Variants in COL14A1 observed in about 807,000 individuals in gnomAD.
COL14A1 encodes the protein collagen type XIV alpha 1 chain.
In COL14A1, 136 loss-of-function variants were observed where a neutral mutation model predicts 230.3. The ratio of observed to expected loss-of-function variants is 0.59; its 90% CI spans 0.51 to 0.68. The LOEUF is 0.68. Ranked by LOEUF, COL14A1 falls within the 30% of genes least tolerant of loss-of-function variation. The pLI is 0.00. For missense variants in COL14A1, 1,976 were observed against 2,215.8 expected (o/e 0.89, Z 2.17); for synonymous variants, 792 against 784.1 (o/e 1.01, Z -0.17).
At chr8:120,183,852 C>T (rs1424582690) in intron 5 of COL14A1, among the ~76,000 whole-genome samples, 3 of 152,010 alleles carry the variant, frequency 2.0e-5, no homozygotes, top group Non-Finnish European at 4.4e-5. Flanking sequence ...TTCTTCTTTC[C>T]TTCTTCCTTC....
chr8:120,373,345 G>GTCA lies in COL14A1; in HGVS notation c.*2118_*2120dup, dbSNP rs2130422006. Among the ~76,000 whole-genome samples, 1 of 152,242 alleles carries GTCA rather than the reference G, an allele frequency of 6.6e-6. No homozygotes were observed. Among genetic ancestry groups the GTCA allele is most frequent in the Non-Finnish European group, 1.5e-5 (1 of 68,016 alleles). On this transcript the variant is annotated 3_prime_UTR_variant, in exon 48 of 48. Coordinates refer to ENST00000297848, the MANE Select transcript of COL14A1 (RefSeq NM_021110.4). ...AGAAAGTTACATTAATTTGGAATGT[G>GTCA]TCATCACTTGGACCCAGTATATCAG...
intron 45 of COL14A1, among the ~76,000 whole-genome samples, chr8:120,354,779 C>G (rs547847265): frequency 6.6e-6 from 1 of 152,164 alleles, no homozygotes; most frequent in Non-Finnish European, 1.5e-5. Context: ...GCTTGAAATC[C>G]CACTTAGATT....
intron 45 of COL14A1, among the ~76,000 whole-genome samples, chr8:120,350,138 G>T (rs527535636): frequency 9.2e-5 from 14 of 152,094 alleles, no homozygotes; most frequent in Non-Finnish European, 1.9e-4. Context: ...GCCAAACTAA[G>T]CTTCCTAAGT....
chr8:120,323,402 C>T lies in COL14A1; in HGVS notation c.4659+7405C>T, dbSNP rs965417123. 5.3e-5 allele frequency among the ~76,000 whole-genome samples: 8 copies of T among 152,072 alleles called. No homozygotes were observed. The East Asian group carries it at 1.2e-3, about 22-fold the overall frequency. Reference sequence around the variant, plus strand: ...TCTGTTGATAGTTTCTTTTGCTGTACAGAAGCTCTTTAGTATAATTAGAGC... The same window carrying T: ...TCTGTTGATAGTTTCTTTTGCTGTATAGAAGCTCTTTAGTATAATTAGAGC... On this transcript the variant is annotated intron_variant, in intron 40 of 47. Transcript: ENST00000297848.
intron 5 of COL14A1, among the ~76,000 whole-genome samples, chr8:120,196,272 A>G (rs1014114116): frequency 6.6e-6 from 1 of 152,224 alleles, no homozygotes; most frequent in African/African-American, 2.4e-5. Flanking sequence ...CCTACTTTAG[A>G]AAAAGTCTCT....
At chr8:120,197,661 C>G (rs1413935225) in intron 6 of COL14A1, 150 bp from the exon 7 acceptor site, 19 of 661,126 alleles carry the variant, frequency 2.9e-5, no homozygotes, top group Non-Finnish European at 4.5e-5. Flanking sequence ...ATTGATCTTA[C>G]TCAGCAAATC....
chr8:120,128,382 C>T (rs1814423135), intron 1 of COL14A1, among the ~76,000 whole-genome samples: 1 of 152,122 alleles, frequency 6.6e-6, no homozygotes, highest in Admixed American at 6.5e-5. Flanking sequence ...TTAGCAATCA[C>T]TGAGCTTCAA....
At chr8:120,145,401 C>T (rs1318921957) in intron 1 of COL14A1, among the ~76,000 whole-genome samples, 1 of 152,106 alleles carries the variant, frequency 6.6e-6, no homozygotes, top group African/African-American at 2.4e-5. Context: ...GGTGGATCAC[C>T]TGAGGTCAGG....
At chr8:120,340,066 G>A (rs1216253263) in intron 42 of COL14A1, among the ~76,000 whole-genome samples, 1 of 149,134 alleles carries the variant, frequency 6.7e-6, no homozygotes, top group Admixed American at 6.7e-5. Context: ...AAAGTGTGTG[G>A]GTGTGTATGT....
At chr8:120,220,952 G>A (rs910228343) in intron 14 of COL14A1, among the ~76,000 whole-genome samples, 39 of 152,240 alleles carry the variant, frequency 2.6e-4, no homozygotes, top group South Asian at 4.2e-4. Context: ...GCACTGTTCC[G>A]AGTGCTCTAA....
chr8:120,295,295 G>A (rs1373116789), intron 34 of COL14A1, among the ~76,000 whole-genome samples: 1 of 151,782 alleles, frequency 6.6e-6, no homozygotes, highest in African/African-American at 2.4e-5. Flanking sequence ...TCAGTTTACT[G>A]GAAAATAAAC....
chr8:120,369,631 C>A, intron 47 of COL14A1, 146 bp downstream of exon 47: 1 of 801,792 alleles, frequency 1.2e-6, no homozygotes, highest in Non-Finnish European at 1.8e-6. Flanking sequence ...CTTAAATTAT[C>A]CCGAGACATT....
chr8:120,347,316 TAA>T (rs1822553719), intron 45 of COL14A1, among the ~76,000 whole-genome samples: 1 of 152,252 alleles, frequency 6.6e-6, no homozygotes, highest in South Asian at 2.1e-4. Flanking sequence ...ATATATATTC[TAA>T]AGAGTACAGT....
At position 120,373,451 on chromosome 8, in the gene COL14A1, T is replaced by C. The variant is rs2130422328; in HGVS notation, c.*2220T>C. ...CGAGTTTACAATACATTGCCTGTAA[T>C]AAAAGCTGATTCTGAAGTGCATTTT... On this transcript the variant is annotated 3_prime_UTR_variant, in exon 48 of 48. Transcript: ENST00000297848. Among the ~76,000 whole-genome samples the C allele has an allele frequency of 6.6e-6, 1 of 152,196 alleles. No homozygotes were observed. The highest frequency in any genetic ancestry group is 1.5e-5 in the Non-Finnish European group (1 of 67,972).
intron 5 of COL14A1, among the ~76,000 whole-genome samples, chr8:120,182,732 T>G (rs1167943327): frequency 2.0e-5 from 3 of 149,094 alleles, no homozygotes; most frequent in Non-Finnish European, 4.5e-5. Flanking sequence ...CTTCGTTTTT[T>G]TTTTTTTTTT....
At position 120,281,037 on chromosome 8, in the gene COL14A1, G is replaced by A. The variant is rs1306255251; in HGVS notation, c.3802G>A (p.Ala1268Thr). The part of the protein sequence containing the change: ...VFPCYQLHKD[A>T]LVSQPTRYLH... ...TCCATGTTACCAACTCCATAAAGAT[G>A]CCCTGGTTTCCCAGCCAACCAGGTA... The change falls in exon 31 of 48, where the codon GCC (alanine) becomes ACC (threonine). Residue 1268 changes from alanine to threonine, a missense_variant. Around this residue, in one of 3 missense-constraint regions of COL14A1, gnomAD observed 1,791 missense variants for 2,019.5 expected, o/e 0.89. Transcript: ENST00000297848. 2 of 1,610,084 alleles carry A rather than the reference G, an allele frequency of 1.2e-6. No individual in the cohort carries two copies. Among genetic ancestry groups the A allele is most frequent in the East Asian group, 2.2e-5 (1 of 44,800 alleles).
intron 14 of COL14A1, among the ~76,000 whole-genome samples, chr8:120,217,409 A>G (rs781716987): frequency 2.6e-5 from 4 of 152,118 alleles, no homozygotes; most frequent in Admixed American, 6.6e-5. Flanking sequence ...TTTTTATTTT[A>G]TTTTCCCTTA....
At chr8:120,357,257 C>T (rs1434315479) in intron 45 of COL14A1, among the ~76,000 whole-genome samples, 1 of 152,158 alleles carries the variant, frequency 6.6e-6, no homozygotes, top group Non-Finnish European at 1.5e-5. Flanking sequence ...GCTGGTGCAT[C>T]TGTTTCCAAG....
chr8:120,237,970 G>T (rs970661294), intron 19 of COL14A1, among the ~76,000 whole-genome samples: 5 of 152,178 alleles, frequency 3.3e-5, no homozygotes, highest in Non-Finnish European at 7.3e-5. Context: ...ATTGCTGCCT[G>T]CTCCTTCCTC....
Sources: allele counts gnomAD v4.1 joint callset (sites outside exome capture counted in the v4.1 genomes callset), GRCh38; gene constraint gnomAD v4.1.1; regional missense constraint gnomAD v4.1.1; transcripts MANE v1.5; gene names NCBI Gene and HGNC (gene_info 2026-07-23, HGNC 2026-07-21).